EYS: variants seen among roughly 807,000 people sequenced by gnomAD.
EYS encodes EGF-like photoreceptor maintenance factor.
Under a neutral mutation model 282.1 loss-of-function variants are expected in EYS, and 250 were observed. The observed-to-expected ratio is 0.89, with a 90% CI of 0.80 to 0.98. The LOEUF is 0.98. EYS is among the 50% of genes least tolerant of loss of function. The pLI is 0.00. For synonymous variants in EYS, 1,355 were observed against 1,282.9 expected (o/e 1.06, Z -1.20); for missense variants, 4,016 against 3,709.0 (o/e 1.08, Z -2.15).
At chr6:65,634,427 T>G (rs1211712647) in intron 2 of EYS, among the ~76,000 whole-genome samples, 2 of 152,226 alleles carry the variant, frequency 1.3e-5, no homozygotes, top group Admixed American at 6.5e-5. Flanking sequence ...CACTAAATAT[T>G]GAATCACTTT....
At chr6:65,157,022 A>G (rs150535501) in intron 12 of EYS, among the ~76,000 whole-genome samples, 2 of 151,138 alleles carry the variant, frequency 1.3e-5, no homozygotes, top group African/African-American at 4.8e-5. Flanking sequence ...ACAAACTCCT[A>G]CATCTGTTAT....
intron 12 of EYS, among the ~76,000 whole-genome samples, chr6:65,293,191 T>C (rs1768573317): frequency 6.6e-6 from 1 of 151,516 alleles, no homozygotes; most frequent in Non-Finnish European, 1.5e-5. Flanking sequence ...CATGGTCTTA[T>C]TTTGACCATG....
In EYS at chr6:65,599,157, T is replaced by C. The variant is rs181794064; in HGVS notation, c.-333+40621A>G. On this transcript the variant is annotated intron_variant, in intron 2 of 42. Transcript: ENST00000503581. Reference sequence around the variant, plus strand: ...GATTTAGCTTCCTGCAAATACTATGTTTCTATCTGATTTTGGCAGATGAAT... The same window carrying C: ...GATTTAGCTTCCTGCAAATACTATGCTTCTATCTGATTTTGGCAGATGAAT... 1.4e-4 allele frequency among the ~76,000 whole-genome samples: 21 copies of C among 152,188 alleles called. No individual in the cohort carries two copies. The East Asian group carries it at 3.9e-3, about 28-fold the overall frequency.
At chr6:65,407,423 T>C (rs921420835) in intron 5 of EYS, among the ~76,000 whole-genome samples, 7 of 151,966 alleles carry the variant, frequency 4.6e-5, no homozygotes, top group Non-Finnish European at 1.0e-4. Flanking sequence ...GCCCAGATAA[T>C]TTTTGTATTT....
chr6:63,992,130 A>G (rs1380848668), intron 34 of EYS, among the ~76,000 whole-genome samples: 1 of 151,864 alleles, frequency 6.6e-6, no homozygotes, highest in Non-Finnish European at 1.5e-5. Flanking sequence ...ATACTAGACA[A>G]CAACACAAAA....
Position 64,458,313 on chromosome 6 carries a change from T to C in EYS, c.5645-18961A>G, listed in dbSNP as rs141911672. Reference sequence around the variant, plus strand: ...GTTTTTGTGTTGCTTAGTACCTTTTTTTTAGCTTGAAGAACTATCTTTAGC... The same window carrying C: ...GTTTTTGTGTTGCTTAGTACCTTTTCTTTAGCTTGAAGAACTATCTTTAGC... On this transcript the variant is annotated intron_variant, in intron 26 of 42. Coordinates refer to ENST00000503581, the MANE Select transcript of EYS (RefSeq NM_001142800.2). 2.1e-4 allele frequency among the ~76,000 whole-genome samples: 32 copies of C among 152,258 alleles called. No homozygotes were observed. The East Asian group carries it at 6.2e-3, about 29-fold the overall frequency.
chr6:65,287,634 GA>G (rs892904212), intron 12 of EYS, among the ~76,000 whole-genome samples: 2 of 150,428 alleles, frequency 1.3e-5, no homozygotes, highest in South Asian at 2.1e-4. Context: ...ATCAGATTCT[GA>G]AAAAAAACGA....
chr6:65,626,270 C>T (rs559404067), intron 2 of EYS, among the ~76,000 whole-genome samples: 30 of 152,312 alleles, frequency 2.0e-4, no homozygotes, highest in African/African-American at 7.2e-4. Flanking sequence ...CACAGTTCAT[C>T]AAATTCATTT....
At chr6:65,566,427 A>G (rs1273593261) in intron 2 of EYS, among the ~76,000 whole-genome samples, 1 of 152,118 alleles carries the variant, frequency 6.6e-6, no homozygotes, top group Non-Finnish European at 1.5e-5. Context: ...ATTCTTTAAG[A>G]GCCTTGAACC....
At chr6:64,998,478 T>C (rs1170735843) in intron 13 of EYS, among the ~76,000 whole-genome samples, 3 of 152,230 alleles carry the variant, frequency 2.0e-5, no homozygotes, top group African/African-American at 4.8e-5. Flanking sequence ...ACAGCATTTT[T>C]AATGCACTGT....
At chr6:64,657,530 G>A (rs1203112645) in intron 22 of EYS, among the ~76,000 whole-genome samples, 2 of 152,292 alleles carry the variant, frequency 1.3e-5, no homozygotes, top group Non-Finnish European at 2.9e-5. Context: ...TCTTTCAGGA[G>A]CTCTTTTAGG....
intron 12 of EYS, among the ~76,000 whole-genome samples, chr6:65,063,536 T>C (rs1287992195): frequency 2.6e-5 from 4 of 151,994 alleles, no homozygotes; most frequent in African/African-American, 4.8e-5. Flanking sequence ...GAGCAGTAGC[T>C]CTTTCACTTA....
At chr6:64,962,269 T>C (rs1769947507) in intron 14 of EYS, among the ~76,000 whole-genome samples, 1 of 151,908 alleles carries the variant, frequency 6.6e-6, no homozygotes, top group African/African-American at 2.4e-5. Context: ...AATGAGATGG[T>C]CTGATAAACA....
At chr6:65,602,343 G>A (rs747655338) in intron 2 of EYS, among the ~76,000 whole-genome samples, 1 of 151,846 alleles carries the variant, frequency 6.6e-6, no homozygotes, top group Non-Finnish European at 1.5e-5. Flanking sequence ...TATAACACAA[G>A]CTCAAGTTGA....
At chr6:65,296,951 G>T (rs1466909) in intron 11 of EYS, among the ~76,000 whole-genome samples, 77,824 of 151,352 alleles carry the variant, frequency 0.51, 22,455 homozygotes, top group East Asian at 0.91. Context: ...GAGAGACAAA[G>T]ATTTTTCACT....
At chr6:65,271,370 G>A (rs75543992) in intron 12 of EYS, among the ~76,000 whole-genome samples, 5,342 of 151,062 alleles carry the variant, frequency 0.035, 125 homozygotes, top group Non-Finnish European at 0.054. Flanking sequence ...GTAGGGAAGA[G>A]GGCAAATTCA....
At chr6:63,819,159 C>CG (rs565947829) in intron 36 of EYS, among the ~76,000 whole-genome samples, 145 of 152,298 alleles carry the variant, frequency 9.5e-4, no homozygotes, top group African/African-American at 3.2e-3. Flanking sequence ...AGTGCCTGCC[C>CG]ATAGGAGGCT....
At chr6:64,953,456 T>C (rs920521292) in intron 14 of EYS, among the ~76,000 whole-genome samples, 22 of 151,858 alleles carry the variant, frequency 1.4e-4, no homozygotes, top group Non-Finnish European at 2.8e-4. Context: ...TCTCTTTTAT[T>C]TAAATGTTAT....
intron 13 of EYS, among the ~76,000 whole-genome samples, chr6:65,052,080 G>A (rs1420419760): frequency 6.6e-6 from 1 of 151,536 alleles, no homozygotes; most frequent in East Asian, 1.9e-4. Context: ...ATTAGTTTTA[G>A]AATTTAAAAC....
Sources: gnomAD v4.1 joint callset for allele counts (sites outside exome capture counted in the v4.1 genomes callset) on GRCh38, gnomAD v4.1.1 for gene constraint, MANE v1.5 for transcripts, NCBI Gene and HGNC (gene_info 2026-07-23, HGNC 2026-07-21) for gene names.